The following MUL1 variants were observed in gnomAD, a reference collection of about 807,000 sequenced individuals.
MUL1 encodes the protein mitochondrial ubiquitin ligase activator of NFKB 1.
MUL1 carries 30 observed loss-of-function variants against 34.1 expected under a neutral mutation model. The observed-to-expected ratio is 0.88, with a 90% CI of 0.66 to 1.19. MUL1 has a LOEUF of 1.19. MUL1 is among the 50% of genes most tolerant of loss of function. MUL1 has a pLI of 0.00. For missense variants in MUL1, 419 were observed against 450.5 expected (o/e 0.93, Z 0.63); for synonymous variants, 191 against 187.8 (o/e 1.02, Z -0.14).
Position 20,500,723 on chromosome 1 carries a change from C to A in MUL1, c.1026G>T (p.Ala342=). 6.3e-7 allele frequency: 1 copy of A among 1,597,692 alleles called. No individual in the cohort carries two copies. ...TGTACAGGGGTATCACCCGGGTGAT[C>A]GCCTGTCTGCAGATAGGGCACTTCT... The part of the protein sequence containing the change: ...EPKKCPICRQ[A]ITRVIPLYNS Residue 342 remains alanine (A), a synonymous_variant, in exon 4 of 4, where the codon GCG becomes GCT. Transcript: ENST00000264198.
At chr1:20,504,577 T>G (rs1023695558) in intron 1 of MUL1, among the ~76,000 whole-genome samples, 1 of 152,198 alleles carries the variant, frequency 6.6e-6, no homozygotes, top group African/African-American at 2.4e-5. Flanking sequence ...CAATCAAAAT[T>G]TCTTAGCCAC....
Position 20,501,261 on chromosome 1 carries a change from A to G in MUL1, c.488T>C (p.Ile163Thr). ...GCCGATGACATCGGTGAAGGACTGA[A>G]TCGAGGGGTGGAACTTCTCATACAC... ...ETVYEKFHPS[I>T]QSFTDVIGHY... The change falls in exon 4 of 4, where the codon ATT (isoleucine) becomes ACT (threonine). Residue 163 changes from isoleucine (I) to threonine (T), a missense_variant. Physicochemically the swap from Ile to Thr is moderately conservative, Grantham distance 89. Coordinates refer to ENST00000264198, the MANE Select transcript of MUL1 (RefSeq NM_024544.3). This position sits in a 1 kb window ranked among gnomAD's most constrained non-coding sequence, Gnocchi z 4.2. 6.2e-7 allele frequency: 1 copy of G among 1,614,176 alleles called. No individual in the cohort carries two copies. Among genetic ancestry groups the G allele is most frequent in the East Asian group, 2.2e-5 (1 of 44,870 alleles).
Position 20,503,304 on chromosome 1 carries a change from A to G in MUL1, c.126T>C (p.Ala42=). The part of the protein sequence containing the change: ...KARVSQELKG[A]KKVHLGEDLK... ...AATCTTCACCCAAATGAACTTTTTT[A>G]GCTCCCTAAATAAAAAAAAAAAATT... The change falls in exon 2 of 4, where the codon GCT becomes GCC. Residue 42 remains alanine, a synonymous_variant. Coordinates refer to ENST00000264198, the MANE Select transcript of MUL1 (RefSeq NM_024544.3). 1.9e-6 allele frequency: 3 copies of G among 1,588,960 alleles called. No homozygotes were observed. Among genetic ancestry groups the G allele is most frequent in the East Asian group, 4.5e-5 (2 of 44,454 alleles).
intron 1 of MUL1, among the ~76,000 whole-genome samples, chr1:20,504,416 A>C (rs886517245): frequency 6.6e-6 from 1 of 152,224 alleles, no homozygotes; most frequent in African/African-American, 2.4e-5. Context: ...AGGACGAATA[A>C]AGGACCATCT....
At position 20,500,519 on chromosome 1, in the gene MUL1, G is replaced by C; in HGVS notation, c.*171C>G. 1 of 829,798 alleles carries C rather than the reference G, an allele frequency of 1.2e-6. No homozygotes were observed. The highest frequency in any genetic ancestry group is 1.8e-6 in the Non-Finnish European group (1 of 550,582). 51.4% of individuals were successfully genotyped at this position (829,798 alleles called of 1,614,324 possible). ...GGTCCCCTCTCAGGTGGGAAAGGCA[G>C]CATCCTGCCATTGGAGGCATGGGTC... On this transcript the variant is annotated 3_prime_UTR_variant, in exon 4 of 4. Transcript: ENST00000264198.
rs935042911 is a variant in MUL1 at position 20,500,848 on chromosome 1, C to T, written c.901G>A (p.Ala301Thr). The T allele has an allele frequency of 5.0e-6, 8 of 1,614,048 alleles. No individual in the cohort carries two copies. Among genetic ancestry groups the T allele is most frequent in the South Asian group, 2.2e-5 (2 of 91,068 alleles). Residue 301 changes from alanine to threonine, a missense_variant, in exon 4 of 4, where the codon GCC (alanine) becomes ACC (threonine). Coordinates refer to ENST00000264198, the MANE Select transcript of MUL1 (RefSeq NM_024544.3). ...AAGCTGCTCAGACACACTACACAGG[C>T]GCTCTTCAGACTCTCCCTGTCCTCA... Reference protein sequence around the residue: ...KPEDRESLKSACVVCLSSFKS... With the variant: ...KPEDRESLKSTCVVCLSSFKS...
chr1:20,503,001 C>T (rs899956454), intron 2 of MUL1, among the ~76,000 whole-genome samples: 1 of 152,030 alleles, frequency 6.6e-6, no homozygotes, highest in Non-Finnish European at 1.5e-5. Flanking sequence ...TATAACAACC[C>T]CATAAAGGTA....
chr1:20,502,341 G>A (rs541711128), intron 2 of MUL1, 152 bp from the exon 3 acceptor site: 10 of 998,620 alleles, frequency 1.0e-5, no homozygotes, highest in South Asian at 1.5e-5. Context: ...TTGGGGCCAC[G>A]AGTTTGAGAC....
In MUL1 at chr1:20,501,344, C is replaced by T. The variant is rs370886196; in HGVS notation, c.405G>A (p.Val135=). 12 of 1,614,068 alleles carry T rather than the reference C, an allele frequency of 7.4e-6. No individual in the cohort carries two copies. Among genetic ancestry groups the T allele is most frequent in the Non-Finnish European group, 1.0e-5 (12 of 1,180,054 alleles). The change falls in exon 4 of 4, where the codon GTG becomes GTA. Residue 135 remains valine (V), a synonymous_variant. Transcript: ENST00000264198. This position sits in a 1 kb window ranked among gnomAD's most constrained non-coding sequence, Gnocchi z 4.2. ...GCTTCAGCACTCGCACAGCCACATC[C>T]ACGCCATCCTCGTGGGGCACCAGGT... ...PFDLVPHEDG[V]DVAVRVLKPL...
chr1:20,501,921 A>G lies in MUL1; in HGVS notation c.329+148T>C. On this transcript the variant is annotated intron_variant, in intron 3 of 3. Coordinates refer to ENST00000264198, the MANE Select transcript of MUL1 (RefSeq NM_024544.3). This position sits in a 1 kb window ranked among gnomAD's most constrained non-coding sequence, Gnocchi z 4.2. ...GGTGATTCCGACATAGGAGGCCCACAGGCTACACACAAGAATATGACCTGC... is the reference window on the plus strand; with the variant it reads ...GGTGATTCCGACATAGGAGGCCCACGGGCTACACACAAGAATATGACCTGC... 2 of 1,015,518 alleles carry G rather than the reference A, an allele frequency of 2.0e-6. No individual in the cohort carries two copies. The highest frequency in any genetic ancestry group is 1.6e-5 in the South Asian group (1 of 64,086). 62.9% of individuals were successfully genotyped at this position (1,015,518 alleles called of 1,614,324 possible).
chr1:20,500,767 G>C lies in MUL1; in HGVS notation c.982C>G (p.Arg328Gly). 1.2e-6 allele frequency: 2 copies of C among 1,613,834 alleles called. No individual in the cohort carries two copies. The highest frequency in any genetic ancestry group is 1.7e-6 in the Non-Finnish European group (2 of 1,179,918). The change falls in exon 4 of 4, where the codon CGC (arginine) becomes GGC (glycine). Residue 328 changes from arginine to glycine, a missense_variant. Coordinates refer to ENST00000264198, the MANE Select transcript of MUL1 (RefSeq NM_024544.3). ...CACTTCTTGGGCTCTGGCAAGGCGC[G>C]GTAGCACTCGGTGCAGGAACAAACG... is the stretch of plus-strand genomic sequence containing the variant. The part of the protein sequence containing the change: ...GHVCSCTECY[R>G]ALPEPKKCPI...
intron 2 of MUL1, 144 bp from the exon 3 acceptor site, chr1:20,502,333 G>A: frequency 2.7e-6 from 3 of 1,096,318 alleles, no homozygotes; most frequent in South Asian, 1.5e-5. Flanking sequence ...AGGATCACTT[G>A]GGGCCACGAG....
rs3738128 is a variant in MUL1 at position 20,499,992 on chromosome 1, C to G, written c.*698G>C. 0.037 allele frequency: 5,681 copies of G among 152,370 alleles called. 214 individuals carry two copies. The highest frequency in any genetic ancestry group is 0.1 in the East Asian group (528 of 5,170). The allele number at this position is 152,370 out of a possible 1,614,324, so 9.4% of individuals were successfully genotyped here. A position where few individuals can be genotyped will look rare whatever the true frequency, so the allele number is the denominator to read the frequency against. On this transcript the variant is annotated 3_prime_UTR_variant, in exon 4 of 4. Coordinates refer to ENST00000264198, the MANE Select transcript of MUL1 (RefSeq NM_024544.3). ...CAGGGCCAGTGGCGAAACCAGGAGG[C>G]CTGCCTGACCAACTGCCCTTCACAT... is the stretch of plus-strand genomic sequence containing the variant.
chr1:20,505,606 A>AG (rs2051706295), intron 1 of MUL1, among the ~76,000 whole-genome samples: 1 of 136,960 alleles, frequency 7.3e-6, no homozygotes, highest in Non-Finnish European at 1.6e-5. Context: ...AAAAAAAAAA[A>AG]GAAGAGGAAA....
intron 1 of MUL1, 149 bp downstream of exon 1, chr1:20,507,756 C>T: frequency 8.6e-7 from 1 of 1,162,174 alleles, no homozygotes. Context: ...GCCCCTCGCT[C>T]CTCCATCTAC....
chr1:20,506,953 G>C (rs2051720665), intron 1 of MUL1, among the ~76,000 whole-genome samples: 1 of 152,200 alleles, frequency 6.6e-6, no homozygotes, highest in South Asian at 2.1e-4. Context: ...GTGGCTGGGC[G>C]CAGTGGCTCA....
intron 1 of MUL1, among the ~76,000 whole-genome samples, chr1:20,506,277 C>T (rs1242522234): frequency 6.6e-6 from 1 of 152,170 alleles, no homozygotes; most frequent in African/African-American, 2.4e-5. Context: ...AAAAAGAACC[C>T]ACAAACATTT....
At position 20,502,209 on chromosome 1, in the gene MUL1, A is replaced by C. The variant is rs770712253; in HGVS notation, c.209-20T>G. 1.7e-5 allele frequency: 28 copies of C among 1,613,522 alleles called. No homozygotes were observed. In the South Asian group the frequency reaches 2.7e-4, roughly 16 times the overall value. On this transcript the variant is annotated intron_variant, in intron 2 of 3. Coordinates refer to ENST00000264198, the MANE Select transcript of MUL1 (RefSeq NM_024544.3). ...CAGCTCCTAAGTGGACACAAATTCT[A>C]TTATTTCTGAAGAAGTTTTCTGCCC...
chr1:20,507,395 A>G (rs910969837), intron 1 of MUL1, among the ~76,000 whole-genome samples: 1 of 152,168 alleles, frequency 6.6e-6, no homozygotes, highest in African/African-American at 2.4e-5. Context: ...CTCCCGCTAG[A>G]TATCTGCATG....
Sources: allele counts gnomAD v4.1 joint callset (sites outside exome capture counted in the v4.1 genomes callset), GRCh38; gene constraint gnomAD v4.1.1; non-coding constraint Gnocchi (gnomAD v3.1); transcripts MANE v1.5; gene names NCBI Gene and HGNC (gene_info 2026-07-23, HGNC 2026-07-21).